STARD6: variants seen among roughly 807,000 people sequenced by gnomAD.
STARD6 encodes the protein StAR related lipid transfer domain containing 6.
In STARD6, 21 loss-of-function variants were observed where a neutral mutation model predicts 22.3. That is an observed-to-expected ratio of 0.94 (90% CI 0.67 to 1.35). The LOEUF is 1.35. STARD6 is among the 40% of genes most tolerant of loss of function. The probability of loss-of-function intolerance (pLI) is 0.00; values close to 1 mark genes in which losing one functional copy is unlikely to be tolerated. For missense variants in STARD6, 269 were observed against 266.9 expected, an observed-to-expected ratio of 1.01 and a Z score of -0.05; for synonymous variants, 80 against 88.1, an observed-to-expected ratio of 0.91 and a Z score of 0.52.
At chr18:54,330,965 T>G (rs1255611804) in intron 6 of STARD6, among the ~76,000 whole-genome samples, 1 of 152,112 alleles carries the variant, frequency 6.6e-6, no homozygotes, top group African/African-American at 2.4e-5. Flanking sequence ...TGGGTTTGAA[T>G]GAGTGCTATG....
At chr18:54,337,006 C>A in intron 5 of STARD6, 119 bp downstream of exon 5, 1 of 929,644 alleles carries the variant, frequency 1.1e-6, no homozygotes, top group Non-Finnish European at 1.5e-6. Context: ...ATAAAGACTT[C>A]AAGTCAATTT....
chr18:54,351,661 G>C (rs2089097534), intron 4 of STARD6, among the ~76,000 whole-genome samples: 1 of 152,144 alleles, frequency 6.6e-6, no homozygotes, highest in African/African-American at 2.4e-5. Context: ...AAAAAGAGAT[G>C]CTGGATTTTG....
chr18:54,325,846 A>G (rs887620511), intron 7 of STARD6, among the ~76,000 whole-genome samples: 1 of 152,082 alleles, frequency 6.6e-6, no homozygotes, highest in African/African-American at 2.4e-5. Flanking sequence ...CACCTCACCC[A>G]GCCCCATTTA....
chr18:54,351,352 G>T (rs534763730), intron 4 of STARD6, among the ~76,000 whole-genome samples: 1 of 152,250 alleles, frequency 6.6e-6, no homozygotes, highest in Admixed American at 6.5e-5. Flanking sequence ...TCACTTATCA[G>T]ATCTAGGAAC....
chr18:54,339,424 TATATC>T (rs2088950174), intron 4 of STARD6, among the ~76,000 whole-genome samples: 1 of 151,578 alleles, frequency 6.6e-6, no homozygotes, highest in African/African-American at 2.4e-5. Flanking sequence ...CACTTCCAGA[TATATC>T]ATAGTCAAAA....
intron 4 of STARD6, among the ~76,000 whole-genome samples, chr18:54,351,426 C>G (rs184157052): frequency 3.9e-5 from 6 of 152,154 alleles, no homozygotes; most frequent in Admixed American, 2.0e-4. Context: ...CAGTGACAGT[C>G]TGTCTTCCTC....
At chr18:54,334,404 C>T (rs561576557) in intron 5 of STARD6, among the ~76,000 whole-genome samples, 1 of 152,148 alleles carries the variant, frequency 6.6e-6, no homozygotes, top group Admixed American at 6.5e-5. Flanking sequence ...GCTTAAAACA[C>T]ACCAATGGCT....
intron 4 of STARD6, among the ~76,000 whole-genome samples, chr18:54,346,929 T>C (rs1321563380): frequency 1.3e-5 from 2 of 152,088 alleles, no homozygotes; most frequent in Non-Finnish European, 1.5e-5. Flanking sequence ...TAAATGCTAG[T>C]AGGCACAAGT....
At chr18:54,337,878 T>C (rs1478441108) in intron 4 of STARD6, among the ~76,000 whole-genome samples, 2 of 152,170 alleles carry the variant, frequency 1.3e-5, no homozygotes, top group Non-Finnish European at 2.9e-5. Flanking sequence ...AGAAGGCCAA[T>C]AGCTGCATAA....
chr18:54,344,833 G>A (rs540503385), intron 4 of STARD6, among the ~76,000 whole-genome samples: 32 of 152,180 alleles, frequency 2.1e-4, no homozygotes, highest in Middle Eastern at 3.4e-3. Flanking sequence ...AAAAGCATAC[G>A]ACAAAATCCA....
At chr18:54,334,666 T>C (rs1469651112) in intron 5 of STARD6, among the ~76,000 whole-genome samples, 1 of 152,056 alleles carries the variant, frequency 6.6e-6, no homozygotes, top group Admixed American at 6.6e-5. Context: ...CTCCATTTTG[T>C]TACCCAGGTT....
At position 54,328,077 on chromosome 18, in the gene STARD6, TC is replaced by T. The variant is rs147286899; in HGVS notation, c.479+1269del. Among the ~76,000 whole-genome samples, 914 of 152,242 alleles carry T rather than the reference TC, an allele frequency of 6.0e-3. 7 individuals are homozygous for T. The highest frequency in any genetic ancestry group is 0.021 in the African/African-American group (883 of 41,548). On this transcript the variant is annotated intron_variant, in intron 7 of 7. Transcript: ENST00000307844. Reference sequence around the variant, plus strand: ...CCACCCGTTAGTCACTTAGTAGCCCTCTTGATTATGAGATTAAAAAAACCAT... The same window carrying T: ...CCACCCGTTAGTCACTTAGTAGCCCTTTGATTATGAGATTAAAAAAACCAT...
intron 7 of STARD6, among the ~76,000 whole-genome samples, chr18:54,328,562 T>C (rs1413040113): frequency 1.3e-5 from 2 of 152,202 alleles, no homozygotes; most frequent in African/African-American, 2.4e-5. Flanking sequence ...TGAGGTTTTT[T>C]AGTTTTCCAG....
At chr18:54,353,705 T>A (rs772914366) in intron 4 of STARD6, among the ~76,000 whole-genome samples, 3 of 152,232 alleles carry the variant, frequency 2.0e-5, no homozygotes, top group Non-Finnish European at 2.9e-5. Context: ...TGTTAGTGGT[T>A]CATTTAATGG....
At chr18:54,325,178 T>A (rs2144660979) in intron 7 of STARD6, among the ~76,000 whole-genome samples, 1 of 152,248 alleles carries the variant, frequency 6.6e-6, no homozygotes, top group African/African-American at 2.4e-5. Context: ...CCTTATCCTG[T>A]TTCCCAGAGA....
At chr18:54,355,151 A>C (rs2089132736) in intron 2 of STARD6, among the ~76,000 whole-genome samples, 1 of 152,050 alleles carries the variant, frequency 6.6e-6, no homozygotes, top group African/African-American at 2.4e-5. Flanking sequence ...TTGTCCACTT[A>C]GCTCCAATCA....
In STARD6 at chr18:54,336,732, C is replaced by G. The variant is rs1233415957; in HGVS notation, c.267+393G>C. Among the ~76,000 whole-genome samples the G allele has an allele frequency of 3.3e-5, 5 of 152,150 alleles. No individual in the cohort carries two copies. The East Asian group carries it at 9.6e-4, about 29-fold the overall frequency. ...CTGCCATGGTAAAATGTGCTTACTT[C>G]CCCTTCGCCTTCTGCCATGATTGTA... On this transcript the variant is annotated intron_variant, in intron 5 of 7. Coordinates refer to ENST00000307844, the MANE Select transcript of STARD6 (RefSeq NM_139171.2).
intron 6 of STARD6, 40 bp downstream of exon 6, chr18:54,331,702 C>T (rs775901918): frequency 2.8e-5 from 36 of 1,297,554 alleles, no homozygotes; most frequent in Admixed American, 2.6e-4. Flanking sequence ...ATTAATGGCT[C>T]GCAGTAATTC....
intron 6 of STARD6, 40 bp from the exon 7 acceptor site, chr18:54,329,480 A>C: frequency 6.8e-7 from 1 of 1,476,322 alleles, no homozygotes; most frequent in Non-Finnish European, 9.3e-7. Context: ...CCTATTCACA[A>C]AGAGGAAAAA....
Sources: gnomAD v4.1 joint callset for allele counts (sites outside exome capture counted in the v4.1 genomes callset) on GRCh38, gnomAD v4.1.1 for gene constraint, MANE v1.5 for transcripts, NCBI Gene and HGNC (gene_info 2026-07-23, HGNC 2026-07-21) for gene names.